The following ANXA5 variants were observed in gnomAD, a reference collection of about 807,000 sequenced individuals.
The protein encoded by ANXA5 is CBP-I.
Under a neutral mutation model 48.1 loss-of-function variants are expected in ANXA5, and 40 were observed. That is an observed-to-expected ratio of 0.83 (90% CI 0.65 to 1.08). ANXA5 has a LOEUF of 1.08. Among genes scored for constraint, ANXA5 ranks in the 50% least tolerant of loss-of-function variants. The pLI is 0.00. For synonymous variants in ANXA5, 113 were observed against 129.1 expected (o/e 0.88, Z 0.85); for missense variants, 357 against 376.8 (o/e 0.95, Z 0.44).
At chr4:121,684,292 A>G (rs1183085378) in intron 4 of ANXA5, among the ~76,000 whole-genome samples, 1 of 152,230 alleles carries the variant, frequency 6.6e-6, no homozygotes, top group Non-Finnish European at 1.5e-5. Context: ...ATTAGTTAAA[A>G]TCATGACAAA....
intron 3 of ANXA5, 21 bp downstream of exon 3, chr4:121,686,267 G>T: frequency 1.3e-6 from 2 of 1,584,610 alleles, no homozygotes; most frequent in Non-Finnish European, 1.7e-6. Flanking sequence ...ATTTGCTTTA[G>T]AAAGAGGAAG....
chr4:121,687,528 G>A (rs1161228338), intron 2 of ANXA5, among the ~76,000 whole-genome samples: 2 of 152,248 alleles, frequency 1.3e-5, no homozygotes, highest in African/African-American at 4.8e-5. Flanking sequence ...AATCTTACAT[G>A]TCTTATTATA....
In ANXA5 at chr4:121,686,340, T is replaced by C. The variant is rs754175862; in HGVS notation, c.42A>G (p.Gly14=). Residue 14 remains glycine (G), a synonymous_variant, in exon 3 of 13, where the codon GGA becomes GGG. Coordinates refer to ENST00000296511, the MANE Select transcript of ANXA5 (RefSeq NM_001154.4). ...VLRGTVTDFP[G]FDERADAETL... ...TTTCTGCATCAGCCCGCTCATCAAATCCAGGGAAGTCAGTCACAGTGCCTC... is the reference window on the plus strand; with the variant it reads ...TTTCTGCATCAGCCCGCTCATCAAACCCAGGGAAGTCAGTCACAGTGCCTC... The C allele has an allele frequency of 6.2e-7, 1 of 1,614,160 alleles. No individual in the cohort carries two copies. The highest frequency in any genetic ancestry group is 8.5e-7 in the Non-Finnish European group (1 of 1,180,002).
At chr4:121,678,575 G>T (rs935407486) in intron 6 of ANXA5, 81 bp from the exon 7 acceptor site, 9 of 1,127,272 alleles carry the variant, frequency 8.0e-6, no homozygotes, top group African/African-American at 3.1e-5. Context: ...AAATGAAAGC[G>T]ATGTAAAAGA....
chr4:121,689,720 C>A (rs958902059), intron 2 of ANXA5, among the ~76,000 whole-genome samples: 8 of 152,122 alleles, frequency 5.3e-5, no homozygotes, highest in Non-Finnish European at 1.2e-4. Flanking sequence ...CTGTAGGCAA[C>A]AGGAAGCCAC....
rs139689349 is a variant in ANXA5, at chr4:121,686,991, A to G, written c.10-619T>C. On this transcript the variant is annotated intron_variant, in intron 2 of 12. Transcript: ENST00000296511. ...ATATACACTGCTTTTAATAACCAAAATATCTTCGTATTTCAAAAAAAATTA... is the reference window on the plus strand; with the variant it reads ...ATATACACTGCTTTTAATAACCAAAGTATCTTCGTATTTCAAAAAAAATTA... Among the ~76,000 whole-genome samples, 9 of 152,238 alleles carry G rather than the reference A, an allele frequency of 5.9e-5. No homozygotes were observed. The East Asian group carries it at 1.7e-3, about 29-fold the overall frequency.
Position 121,669,669 on chromosome 4 carries a change from A to G in ANXA5, c.836T>C (p.Ile279Thr), listed in dbSNP as rs17851665. 2,478 of 1,613,360 alleles carry G rather than the reference A, an allele frequency of 1.5e-3. 19 individuals carry two copies. The highest frequency in any genetic ancestry group is 0.01 in the South Asian group (912 of 91,036). ...CTCCTTCCTGATGTTAAACAGATCA[A>G]TCTCACTCCTGGAAACCATGACTCT... ...LIRVMVSRSE[I>T]DLFNIRKEFR... Residue 279 changes from isoleucine (I) to threonine (T), a missense_variant, in exon 12 of 13, where the codon ATT becomes ACT. Physicochemically the swap from Ile to Thr is moderately conservative, Grantham distance 89. Transcript: ENST00000296511.
Position 121,684,774 on chromosome 4 carries a change from G to C in ANXA5, c.95-3C>G. The C allele has an allele frequency of 1.2e-6, 2 of 1,612,442 alleles. No homozygotes were observed. Among genetic ancestry groups the C allele is most frequent in the East Asian group, 4.5e-5 (2 of 44,818 alleles). On this transcript the variant is annotated splice_region_variant and splice_polypyrimidine_tract_variant and intron_variant, in intron 3 of 12. Transcript: ENST00000296511. ...CAGGATGCTCTCCTCATCTGTGCCT[G>C]CAATTTATGGTTAACAATTACATTT...
chr4:121,689,389 C>A (rs1042118060), intron 2 of ANXA5, among the ~76,000 whole-genome samples: 2 of 152,126 alleles, frequency 1.3e-5, no homozygotes, highest in African/African-American at 4.8e-5. Flanking sequence ...CAGGATCCCT[C>A]AAGTTAAGTG....
At chr4:121,684,309 C>A (rs1724839959) in intron 4 of ANXA5, among the ~76,000 whole-genome samples, 1 of 151,510 alleles carries the variant, frequency 6.6e-6, no homozygotes, top group Non-Finnish European at 1.5e-5. Flanking sequence ...CAAAAGGAAC[C>A]AAGACTGTGA....
intron 3 of ANXA5, 70 bp from the exon 4 acceptor site, chr4:121,684,841 G>T: frequency 8.3e-7 from 1 of 1,203,070 alleles, no homozygotes; most frequent in Non-Finnish European, 1.2e-6. Flanking sequence ...TTGGCAACTC[G>T]CTTCCCAGTC....
chr4:121,677,106 G>C (rs1724712593), intron 8 of ANXA5, among the ~76,000 whole-genome samples: 1 of 152,152 alleles, frequency 6.6e-6, no homozygotes, highest in African/African-American at 2.4e-5. Context: ...TTAGCAAAGT[G>C]AGATCGCATA....
intron 10 of ANXA5, among the ~76,000 whole-genome samples, chr4:121,671,282 A>G (rs539057746): frequency 1.3e-5 from 2 of 152,312 alleles, no homozygotes; most frequent in Admixed American, 6.5e-5. Context: ...GTTTATCAAT[A>G]AATAATATTT....
At chr4:121,693,419 A>G (rs1174409534) in intron 2 of ANXA5, among the ~76,000 whole-genome samples, 2 of 152,198 alleles carry the variant, frequency 1.3e-5, no homozygotes, top group Non-Finnish European at 2.9e-5. Context: ...AAACAGATGC[A>G]TTTGTGAAAT....
intron 7 of ANXA5, 108 bp from the exon 8 acceptor site, chr4:121,678,058 T>G (rs903276699): frequency 8.0e-5 from 69 of 865,636 alleles, no homozygotes; most frequent in Non-Finnish European, 4.6e-5. Flanking sequence ...CTAGGAATAA[T>G]ATGCTTTTAT....
intron 2 of ANXA5, among the ~76,000 whole-genome samples, chr4:121,695,668 C>T (rs1725066614): frequency 6.6e-6 from 1 of 151,946 alleles, no homozygotes; most frequent in Non-Finnish European, 1.5e-5. Context: ...GTCCTGAGGC[C>T]GAGGCGGGAG....
In ANXA5 at chr4:121,671,531, A is replaced by G; in HGVS notation, c.721+16T>C. Reference sequence around the variant, plus strand: ...CTCTTACCACCAAAAATATCAATACATTGTAAATCACCTACCAACAGCAAG... The same window carrying G: ...CTCTTACCACCAAAAATATCAATACGTTGTAAATCACCTACCAACAGCAAG... On this transcript the variant is annotated intron_variant, in intron 10 of 12. Transcript: ENST00000296511. 6.3e-7 allele frequency: 1 copy of G among 1,585,494 alleles called. No homozygotes were observed. The highest frequency in any genetic ancestry group is 1.1e-5 in the South Asian group (1 of 90,386).
chr4:121,678,031 T>C lies in ANXA5; in HGVS notation c.475-81A>G, dbSNP rs556920594. On this transcript the variant is annotated intron_variant, in intron 7 of 12. Coordinates refer to ENST00000296511, the MANE Select transcript of ANXA5 (RefSeq NM_001154.4). ...AAAAATGGTTCCACCTGATGGTTAT[T>C]CAATAACACTCTTTCTCTAGGAATA... 89 of 992,642 alleles carry C rather than the reference T, an allele frequency of 9.0e-5. 1 individual carries two copies. The African/African-American group carries it at 1.2e-3, about 13-fold the overall frequency. The allele number at this position is 992,642 out of a possible 1,614,324, so 61.5% of individuals were successfully genotyped here. A position where few individuals can be genotyped will look rare whatever the true frequency, so the allele number is the denominator to read the frequency against.
intron 7 of ANXA5, 40 bp downstream of exon 7, chr4:121,678,375 A>C (rs1202186906): frequency 4.5e-6 from 7 of 1,553,916 alleles, no homozygotes; most frequent in Non-Finnish European, 6.2e-6. Flanking sequence ...GTCCAACTTC[A>C]GGCTTTTTAA....
Sources: gnomAD v4.1 joint callset for allele counts (sites outside exome capture counted in the v4.1 genomes callset) on GRCh38, gnomAD v4.1.1 for gene constraint, MANE v1.5 for transcripts, NCBI Gene and HGNC (gene_info 2026-07-23, HGNC 2026-07-21) for gene names.